Variants in CLCN3 observed in about 807,000 individuals in gnomAD.
CLCN3 encodes Cl-/H+ antiporter 3.
CLCN3 carries 16 observed loss-of-function variants against 83.4 expected under a neutral mutation model. The observed-to-expected ratio is 0.19, with a 90% CI of 0.13 to 0.29. The LOEUF is 0.29. Ranked by LOEUF, CLCN3 falls within the 10% of genes least tolerant of loss-of-function variation. The pLI is 1.00. For synonymous variants in CLCN3, 322 were observed against 346.2 expected (o/e 0.93, Z 0.78); for missense variants, 544 against 1,006.0 (o/e 0.54, Z 6.21).
chr4:169,702,680 G>A (rs535414537), intron 9 of CLCN3: 47 of 166,106 alleles, frequency 2.8e-4, no homozygotes, highest in Non-Finnish European at 5.6e-4. Context: ...TGTGGCTCAC[G>A]CCTGTAATCT....
rs929910210 is a variant in CLCN3, at chr4:169,709,150, AT to A, written c.2149+1885del. 2.3e-4 allele frequency among the ~76,000 whole-genome samples: 34 copies of A among 149,136 alleles called. 1 individual carries two copies. The highest frequency in any genetic ancestry group is 7.6e-4 in the African/African-American group (31 of 41,050). ...GTACAGATCTGTATATAAATTAAAA[AT>A]GTATGTGTTATATATAGTTACATCA... On this transcript the variant is annotated intron_variant, in intron 11 of 12. Coordinates refer to ENST00000513761, the MANE Select transcript of CLCN3 (RefSeq NM_001829.4).
intron 2 of CLCN3, among the ~76,000 whole-genome samples, chr4:169,673,433 C>T (rs73864750): frequency 0.014 from 2,102 of 152,278 alleles, 43 homozygotes; most frequent in African/African-American, 0.047. Flanking sequence ...TTTTCCACTT[C>T]GTCATTCGTA....
At chr4:169,690,773 A>G in intron 6 of CLCN3, 121 bp downstream of exon 6, 1 of 923,054 alleles carries the variant, frequency 1.1e-6, no homozygotes, top group South Asian at 2.0e-5. Flanking sequence ...ATATGAAAAA[A>G]AAATTTTTTT....
At chr4:169,673,609 T>C (rs1396930757) in intron 2 of CLCN3, among the ~76,000 whole-genome samples, 1 of 152,134 alleles carries the variant, frequency 6.6e-6, no homozygotes, top group East Asian at 1.9e-4. Context: ...GTAGTCCATA[T>C]TTCTTCAGCT....
At chr4:169,689,950 A>G (rs1732299868) in intron 5 of CLCN3, among the ~76,000 whole-genome samples, 1 of 152,114 alleles carries the variant, frequency 6.6e-6, no homozygotes, top group Non-Finnish European at 1.5e-5. Flanking sequence ...AGATTGAAGT[A>G]TAGCTGAGAT....
At chr4:169,698,246 A>G (rs569342068) in intron 9 of CLCN3, among the ~76,000 whole-genome samples, 20 of 152,314 alleles carry the variant, frequency 1.3e-4, no homozygotes, top group East Asian at 5.8e-4. Context: ...AAACAATCCA[A>G]TTACACTCTT....
chr4:169,707,006 A>T lies in CLCN3; in HGVS notation c.1889A>T (p.Tyr630Phe). 6.2e-7 allele frequency: 1 copy of T among 1,614,182 alleles called. No individual in the cohort carries two copies. Among genetic ancestry groups the T allele is most frequent in the Non-Finnish European group, 8.5e-7 (1 of 1,180,026 alleles). The change falls in exon 11 of 13, where the codon TAT becomes TTT. Residue 630 changes from tyrosine (Y) to phenylalanine (F), a missense_variant. Physicochemically the swap from Tyr to Phe is conservative, Grantham distance 22 (BLOSUM62 3). This residue lies in a region of CLCN3 where 27 missense variants were observed against 100.2 expected (regional missense o/e 0.27). Transcript: ENST00000513761. ...VGDAFGREGI[Y>F]EAHIRLNGYP... Reference sequence around the variant, plus strand: ...GATGCCTTTGGCAGGGAAGGCATTTATGAAGCACACATCCGATTAAATGGA... The same window carrying T: ...GATGCCTTTGGCAGGGAAGGCATTTTTGAAGCACACATCCGATTAAATGGA...
intron 2 of CLCN3, among the ~76,000 whole-genome samples, chr4:169,645,974 G>A (rs1360848901): frequency 6.6e-6 from 1 of 151,998 alleles, no homozygotes; most frequent in Non-Finnish European, 1.5e-5. Flanking sequence ...ATTTCTGTTA[G>A]TTTGTAAGTA....
In CLCN3 at chr4:169,697,539, C is replaced by T. The variant is rs1732612514; in HGVS notation, c.1368C>T (p.Ile456=). ...CTAGGCTAAACACCAGTGAACTGATCAAAGAGCTTTTTACAGACTGTGGTC... is the reference window on the plus strand; with the variant it reads ...CTAGGCTAAACACCAGTGAACTGATTAAAGAGCTTTTTACAGACTGTGGTC... ...PYTRLNTSEL[I]KELFTDCGPL... is the part of the protein sequence containing the mutation. The change falls in exon 9 of 13, where the codon ATC becomes ATT. Residue 456 remains isoleucine (I), a synonymous_variant. Transcript: ENST00000513761. 2 of 1,614,200 alleles carry T rather than the reference C, an allele frequency of 1.2e-6. No individual in the cohort carries two copies. Among genetic ancestry groups the T allele is most frequent in the East Asian group, 4.5e-5 (2 of 44,886 alleles).
intron 2 of CLCN3, among the ~76,000 whole-genome samples, chr4:169,671,233 G>T (rs1304117947): frequency 1.3e-5 from 2 of 152,202 alleles, no homozygotes; most frequent in Admixed American, 1.3e-4. Context: ...TAAAGAAAAT[G>T]TGGCACATAT....
intron 2 of CLCN3, among the ~76,000 whole-genome samples, chr4:169,639,296 T>C (rs553357983): frequency 1.4e-4 from 22 of 152,326 alleles, no homozygotes; most frequent in African/African-American, 5.3e-4. Flanking sequence ...CCTCCCAAAG[T>C]GCTGGGATTA....
chr4:169,653,677 C>T lies in CLCN3; in HGVS notation c.160+17589C>T, dbSNP rs115372347. 8.9e-3 allele frequency among the ~76,000 whole-genome samples: 1,309 copies of T among 146,774 alleles called. 14 individuals are homozygous for T. Among genetic ancestry groups the T allele is most frequent in the African/African-American group, 0.031 (1,240 of 39,638 alleles). ...AAAAAAAAAAGGAAAGAAAAGAGGTCGTGCAGGCTGTATAGGAAGCATAGT... is the reference window on the plus strand; with the variant it reads ...AAAAAAAAAAGGAAAGAAAAGAGGTTGTGCAGGCTGTATAGGAAGCATAGT... On this transcript the variant is annotated intron_variant, in intron 2 of 12. Coordinates refer to ENST00000513761, the MANE Select transcript of CLCN3 (RefSeq NM_001829.4).
In CLCN3 at chr4:169,697,634, C is replaced by T; in HGVS notation, c.1463C>T (p.Pro488Leu). The change falls in exon 9 of 13, where the codon CCT becomes CTT. Residue 488 changes from proline to leucine, a missense_variant. Coordinates refer to ENST00000513761, the MANE Select transcript of CLCN3 (RefSeq NM_001829.4). ...MNASKIVDDI[P>L]DRPAGIGVYS... ...GCCAGTAAAATTGTCGATGACATTC[C>T]TGATCGTCCAGCAGGCATTGGAGTA... is the stretch of plus-strand genomic sequence containing the variant. The T allele has an allele frequency of 6.2e-7, 1 of 1,613,962 alleles. No individual in the cohort carries two copies. Among genetic ancestry groups the T allele is most frequent in the Non-Finnish European group, 8.5e-7 (1 of 1,179,872 alleles).
intron 2 of CLCN3, among the ~76,000 whole-genome samples, chr4:169,659,447 CT>C (rs941135259): frequency 5.5e-4 from 84 of 152,056 alleles, no homozygotes; most frequent in African/African-American, 2.0e-3. Context: ...ACACAAAACC[CT>C]TATGAGATAA....
intron 3 of CLCN3, among the ~76,000 whole-genome samples, chr4:169,684,975 ATTTTTTT>A (rs34668119): frequency 2.3e-4 from 29 of 127,952 alleles, no homozygotes; most frequent in African/African-American, 8.4e-4. Context: ...TGCCTGGCTA[ATTTTTTT>A]TTTTTTTTTT....
At chr4:169,674,354 G>A (rs2150232493) in intron 2 of CLCN3, among the ~76,000 whole-genome samples, 1 of 152,252 alleles carries the variant, frequency 6.6e-6, no homozygotes, top group East Asian at 1.9e-4. Context: ...AGCCTAAGTG[G>A]CATTTGCATT....
intron 2 of CLCN3, among the ~76,000 whole-genome samples, chr4:169,645,696 T>C (rs1730553903): frequency 6.6e-6 from 1 of 152,194 alleles, no homozygotes; most frequent in Non-Finnish European, 1.5e-5. Flanking sequence ...TTATACATGG[T>C]CCTTTGTCTA....
intron 2 of CLCN3, among the ~76,000 whole-genome samples, chr4:169,655,946 C>A (rs185005678): frequency 6.6e-6 from 1 of 152,150 alleles, no homozygotes; most frequent in African/African-American, 2.4e-5. Flanking sequence ...TTTGTTTTTT[C>A]CATTTATTTT....
intron 12 of CLCN3, among the ~76,000 whole-genome samples, chr4:169,713,834 A>C (rs1733317442): frequency 6.6e-6 from 1 of 152,184 alleles, no homozygotes; most frequent in African/African-American, 2.4e-5. Flanking sequence ...CCTTTTGTCT[A>C]CCTTTCTCTA....
Sources: allele counts gnomAD v4.1 joint callset (sites outside exome capture counted in the v4.1 genomes callset), GRCh38; gene constraint gnomAD v4.1.1; regional missense constraint gnomAD v4.1.1; transcripts MANE v1.5; gene names NCBI Gene and HGNC (gene_info 2026-07-23, HGNC 2026-07-21).